The following NRG1 variants were observed in gnomAD, a reference collection of about 807,000 sequenced individuals.
NRG1 encodes the protein neuregulin 1, also known as pro-neuregulin-1, membrane-bound isoform.
NRG1 carries 18 observed loss-of-function variants against 63.8 expected under a neutral mutation model. The ratio of observed to expected loss-of-function variants is 0.28; its 90% confidence interval spans 0.19 to 0.42. The LOEUF (loss-of-function observed/expected upper bound fraction) is 0.42, where lower values mean the gene tolerates loss of function less well. Ranked by LOEUF, NRG1 falls within the 10% of genes least tolerant of loss-of-function variation. NRG1 has a pLI of 1.00. For synonymous variants in NRG1, 302 were observed against 301.3 expected (o/e 1.00, Z -0.02); for missense variants, 762 against 814.7 (o/e 0.94, Z 0.79).
chr8:32,020,460 C>T (rs1816247399), intron 1 of NRG1, among the ~76,000 whole-genome samples: 1 of 152,014 alleles, frequency 6.6e-6, no homozygotes, highest in African/African-American at 2.4e-5. Context: ...AATTTTTGTA[C>T]ATTTTATTTC....
intron 1 of NRG1, among the ~76,000 whole-genome samples, chr8:32,542,080 C>G (rs1233545330): frequency 6.6e-6 from 1 of 152,026 alleles, no homozygotes; most frequent in Non-Finnish European, 1.5e-5. Context: ...TGCTAAAACC[C>G]AACTATTTTA....
chr8:32,468,026 T>C (rs891173114), intron 1 of NRG1, among the ~76,000 whole-genome samples: 15 of 152,300 alleles, frequency 9.8e-5, no homozygotes, highest in African/African-American at 3.6e-4. Context: ...GAGCAGGCGA[T>C]AAACACAACA....
At chr8:32,552,176 TG>T (rs1258253412) in intron 1 of NRG1, among the ~76,000 whole-genome samples, 12 of 151,200 alleles carry the variant, frequency 7.9e-5, no homozygotes, top group Non-Finnish European at 1.8e-4. Context: ...CCCAAAGTGC[TG>T]GGATTACGGG....
At chr8:32,609,935 T>C (rs1337680871) in intron 3 of NRG1, among the ~76,000 whole-genome samples, 1 of 151,826 alleles carries the variant, frequency 6.6e-6, no homozygotes, top group African/African-American at 2.4e-5. Flanking sequence ...GCTCCCAAAG[T>C]GCTTGGATTA....
intron 7 of NRG1, among the ~76,000 whole-genome samples, chr8:32,744,887 A>G (rs1427872161): frequency 6.6e-6 from 1 of 152,212 alleles, no homozygotes; most frequent in African/African-American, 2.4e-5. Context: ...TGTGAAGTTC[A>G]GAGTGTGATT....
chr8:32,605,995 AAGT>A (rs1012252459), intron 3 of NRG1, among the ~76,000 whole-genome samples: 6 of 151,738 alleles, frequency 4.0e-5, no homozygotes, highest in African/African-American at 1.5e-4. Flanking sequence ...GAGGGCAGTC[AAGT>A]CTTTGGCTCT....
intron 1 of NRG1, among the ~76,000 whole-genome samples, chr8:32,188,464 A>G (rs1184775249): frequency 6.6e-6 from 1 of 152,196 alleles, no homozygotes; most frequent in Non-Finnish European, 1.5e-5. Context: ...CCTAATCTCC[A>G]GAACCTGTGA....
intron 1 of NRG1, among the ~76,000 whole-genome samples, chr8:32,469,611 T>C (rs963859645): frequency 8.5e-5 from 13 of 152,286 alleles, no homozygotes; most frequent in African/African-American, 3.1e-4. Flanking sequence ...GAGACAATCA[T>C]TATAAAGTGT....
chr8:32,686,885 G>A (rs1810297322), intron 5 of NRG1, among the ~76,000 whole-genome samples: 1 of 152,198 alleles, frequency 6.6e-6, no homozygotes, highest in Non-Finnish European at 1.5e-5. Context: ...TAATGATACA[G>A]CGATACCACA....
intron 1 of NRG1, among the ~76,000 whole-genome samples, chr8:32,325,476 G>A (rs1222635355): frequency 6.6e-6 from 1 of 152,178 alleles, no homozygotes; most frequent in South Asian, 2.1e-4. Context: ...CAAACTCTCA[G>A]GCTCAGGCCT....
intron 1 of NRG1, among the ~76,000 whole-genome samples, chr8:32,480,297 T>C (rs927394254): frequency 5.3e-5 from 8 of 151,970 alleles, no homozygotes; most frequent in African/African-American, 1.9e-4. Context: ...GTCTGGGGGC[T>C]AGGAGAGAGA....
intron 5 of NRG1, among the ~76,000 whole-genome samples, chr8:32,685,819 T>C (rs919377959): frequency 6.6e-6 from 1 of 152,124 alleles, no homozygotes; most frequent in Non-Finnish European, 1.5e-5. Flanking sequence ...TCTGAGGAAA[T>C]CCAGTTCCAC....
intron 1 of NRG1, among the ~76,000 whole-genome samples, chr8:32,079,994 T>A (rs2131140904): frequency 6.6e-6 from 1 of 152,114 alleles, no homozygotes; most frequent in South Asian, 2.1e-4. Context: ...AGTAATAAAA[T>A]ATTTATAGCA....
chr8:32,738,410 C>T lies in NRG1; in HGVS notation c.633-4265C>T, dbSNP rs563307024. On this transcript the variant is annotated intron_variant, in intron 6 of 11. Transcript: ENST00000356819. ...CCATCTTCTAATCTGATTAATGAAA[C>T]GAATGGTATATACATACACACACAC... is the stretch of plus-strand genomic sequence containing the variant. Among the ~76,000 whole-genome samples the T allele has an allele frequency of 1.5e-4, 21 of 142,984 alleles. 1 individual carries two copies. The South Asian group carries it at 3.6e-3, about 24-fold the overall frequency. 93.8% of individuals were successfully genotyped at this position (142,984 alleles called of 152,430 possible).
intron 1 of NRG1, among the ~76,000 whole-genome samples, chr8:32,174,355 G>A (rs964463957): frequency 6.6e-6 from 1 of 151,984 alleles, no homozygotes; most frequent in Non-Finnish European, 1.5e-5. Context: ...GAAATTTATA[G>A]CACTAAATGC....
chr8:32,355,403 G>C lies in NRG1; in HGVS notation c.38-240425G>C, dbSNP rs564313076. ...GAACCTGGGAGGTGGAGGTTGCACC[G>C]ATCTGAGATTGCATCAGTGCACTCC... On this transcript the variant is annotated intron_variant, in intron 1 of 10. Transcript: ENST00000519301. Among the ~76,000 whole-genome samples the C allele has an allele frequency of 6.8e-4, 104 of 152,196 alleles. 1 individual carries two copies. The highest frequency in any genetic ancestry group is 2.3e-3 in the African/African-American group (95 of 41,532).
At chr8:32,436,877 G>A (rs1818856775) in intron 1 of NRG1, among the ~76,000 whole-genome samples, 1 of 139,146 alleles carries the variant, frequency 7.2e-6, no homozygotes, top group Admixed American at 7.5e-5. Context: ...GGTTTTACAT[G>A]GTCAAGTATA....
At chr8:32,624,644 G>GAT (rs1848890849) in intron 5 of NRG1, among the ~76,000 whole-genome samples, 1 of 152,070 alleles carries the variant, frequency 6.6e-6, no homozygotes, top group Non-Finnish European at 1.5e-5. Context: ...TTTTTTAAAA[G>GAT]ACTCATTAGT....
intron 1 of NRG1, among the ~76,000 whole-genome samples, chr8:31,955,878 A>T (rs1804280418): frequency 6.6e-6 from 1 of 151,580 alleles, no homozygotes; most frequent in African/African-American, 2.4e-5. Context: ...CCCTACTTCA[A>T]AAAAAAGAAA....
Sources: gnomAD v4.1 joint callset for allele counts (sites outside exome capture counted in the v4.1 genomes callset) on GRCh38, gnomAD v4.1.1 for gene constraint, MANE v1.5 for transcripts, NCBI Gene and HGNC (gene_info 2026-07-23, HGNC 2026-07-21) for gene names.